Variants in PEX7 observed in about 807,000 individuals in gnomAD.
PEX7 encodes peroxisomal biogenesis factor 7, also known as PTS2 receptor.
A neutral mutation model predicts 47.5 loss-of-function variants in PEX7; 34 were observed. The ratio of observed to expected loss-of-function variants is 0.72; its 90% CI spans 0.54 to 0.95. The LOEUF is 0.95. Ranked by LOEUF, PEX7 falls within the 40% of genes least tolerant of loss-of-function variation. The pLI, the probability that PEX7 is intolerant of heterozygous loss-of-function variation, is 0.00. For synonymous variants in PEX7, 141 were observed against 148.8 expected (o/e 0.95, Z 0.38); for missense variants, 394 against 400.3 (o/e 0.98, Z 0.13).
Position 136,828,284 on chromosome 6 carries a change from A to C in PEX7, c.339+1815A>C, listed in dbSNP as rs555558674. Among the ~76,000 whole-genome samples the C allele has an allele frequency of 7.2e-5, 11 of 152,306 alleles. No homozygotes were observed. In the East Asian group the frequency reaches 1.3e-3, roughly 19 times the overall value. On this transcript the variant is annotated intron_variant, in intron 3 of 9. Coordinates refer to ENST00000318471, the MANE Select transcript of PEX7 (RefSeq NM_000288.4). ...ATAAAATAAATGTATGTACCAGTTA[A>C]AATAATCTCTGGTGTAACTACTCTC...
chr6:136,844,355 C>T (rs912997916), intron 3 of PEX7, among the ~76,000 whole-genome samples: 14 of 149,054 alleles, frequency 9.4e-5, no homozygotes, highest in South Asian at 4.4e-4. Context: ...TGGGCGACTG[C>T]GCAAGACCCT....
At chr6:136,826,222 A>G (rs1304874497) in intron 2 of PEX7, 97 bp from the exon 3 acceptor site, 13 of 1,353,966 alleles carry the variant, frequency 9.6e-6, no homozygotes, top group Non-Finnish European at 1.2e-5. Context: ...ATGTGTGATA[A>G]ATTGAAAGAA....
At chr6:136,893,649 G>A (rs1466843292) in intron 8 of PEX7, among the ~76,000 whole-genome samples, 1 of 152,246 alleles carries the variant, frequency 6.6e-6, no homozygotes, top group Non-Finnish European at 1.5e-5. Context: ...TGATGTGAAA[G>A]TAAGTGTTGT....
chr6:136,907,286 T>C (rs368394727), intron 9 of PEX7, among the ~76,000 whole-genome samples: 6 of 152,198 alleles, frequency 3.9e-5, no homozygotes, highest in African/African-American at 1.4e-4. Flanking sequence ...AAAAGGATTT[T>C]TTTAGTTTAT....
intron 8 of PEX7, among the ~76,000 whole-genome samples, chr6:136,883,296 A>G (rs976276258): frequency 2.0e-5 from 3 of 152,206 alleles, no homozygotes; most frequent in Admixed American, 6.5e-5. Flanking sequence ...GCTTATAGGC[A>G]TAGGCACTTA....
In PEX7 at chr6:136,870,004, G is replaced by A. The variant is rs267608256; in HGVS notation, c.747+1G>A. Reference sequence around the variant, plus strand: ...TACCTATGCTATTAGGAGGGTGAAAGTAAGTTTTCATCTTTTCTTTTATAT... The same window carrying A: ...TACCTATGCTATTAGGAGGGTGAAAATAAGTTTTCATCTTTTCTTTTATAT... On this transcript the variant is annotated splice_donor_variant, in intron 7 of 9. Transcript: ENST00000318471. LOFTEE classifies it high-confidence loss of function. 6.4e-7 allele frequency: 1 copy of A among 1,562,334 alleles called. No individual in the cohort carries two copies. The highest frequency in any genetic ancestry group is 8.8e-7 in the Non-Finnish European group (1 of 1,133,830).
At chr6:136,828,459 T>C (rs1196465659) in intron 3 of PEX7, among the ~76,000 whole-genome samples, 1 of 152,254 alleles carries the variant, frequency 6.6e-6, no homozygotes, top group African/African-American at 2.4e-5. Flanking sequence ...TAATCCCAAC[T>C]CTACCTTCTA....
At chr6:136,903,946 A>G (rs1775797498) in intron 9 of PEX7, among the ~76,000 whole-genome samples, 1 of 151,922 alleles carries the variant, frequency 6.6e-6, no homozygotes, top group South Asian at 2.1e-4. Flanking sequence ...TACCGGGATT[A>G]CAGGTGTGAG....
intron 5 of PEX7, chr6:136,855,799 C>G: frequency 3.1e-6 from 1 of 318,882 alleles, no homozygotes; most frequent in Non-Finnish European, 6.0e-6. Context: ...CCAGTAAAGA[C>G]ATACATCCAG....
chr6:136,904,035 C>T (rs1037855201), intron 9 of PEX7, among the ~76,000 whole-genome samples: 2 of 152,040 alleles, frequency 1.3e-5, no homozygotes, highest in East Asian at 1.9e-4. Flanking sequence ...ATCTTCGATA[C>T]CAGGTTTAAT....
chr6:136,863,794 A>G (rs1251487755), intron 5 of PEX7, among the ~76,000 whole-genome samples: 1 of 152,116 alleles, frequency 6.6e-6, no homozygotes, highest in African/African-American at 2.4e-5. Context: ...TTGTAGTCGC[A>G]GCTACTTGGG....
At chr6:136,837,679 A>C (rs958775877) in intron 3 of PEX7, among the ~76,000 whole-genome samples, 1 of 152,166 alleles carries the variant, frequency 6.6e-6, no homozygotes, top group Non-Finnish European at 1.5e-5. Flanking sequence ...TTCTTGTGTC[A>C]GAAAGCAGGA....
chr6:136,867,794 ACAAC>A (rs1775100687), intron 6 of PEX7, among the ~76,000 whole-genome samples: 1 of 151,632 alleles, frequency 6.6e-6, no homozygotes. Flanking sequence ...AACAACAACA[ACAAC>A]AAAAAACTTT....
intron 5 of PEX7, among the ~76,000 whole-genome samples, chr6:136,858,252 A>G (rs1014732094): frequency 6.6e-6 from 1 of 152,230 alleles, no homozygotes; most frequent in African/African-American, 2.4e-5. Context: ...CCTTATGGAC[A>G]AGTAAGAGGA....
At chr6:136,863,270 C>T (rs1774998585) in intron 5 of PEX7, among the ~76,000 whole-genome samples, 1 of 152,132 alleles carries the variant, frequency 6.6e-6, no homozygotes, top group African/African-American at 2.4e-5. Context: ...CAAGTACCCC[C>T]ATTTGGCCTG....
intron 8 of PEX7, among the ~76,000 whole-genome samples, chr6:136,882,443 G>T (rs1011228117): frequency 6.6e-6 from 1 of 151,948 alleles, no homozygotes; most frequent in African/African-American, 2.4e-5. Flanking sequence ...CTCCCAAAGT[G>T]CTGGGATTAT....
At chr6:136,872,548 A>G (rs1015612574) in intron 8 of PEX7, among the ~76,000 whole-genome samples, 1 of 152,180 alleles carries the variant, frequency 6.6e-6, no homozygotes, top group Admixed American at 6.5e-5. Context: ...CATAGCCAAT[A>G]TATTCTAAAT....
chr6:136,901,176 A>G (rs1040016186), intron 9 of PEX7: 4 of 152,446 alleles, frequency 2.6e-5, no homozygotes, highest in African/African-American at 9.7e-5. Flanking sequence ...GCTATAGGAG[A>G]GAGATAATTT....
At chr6:136,876,039 TA>T (rs1264757076) in intron 8 of PEX7, among the ~76,000 whole-genome samples, 2 of 116,610 alleles carry the variant, frequency 1.7e-5, no homozygotes, top group Non-Finnish European at 3.6e-5. Flanking sequence ...ATTCTTTCAT[TA>T]AATTTTTTTT....
Sources: allele counts gnomAD v4.1 joint callset (sites outside exome capture counted in the v4.1 genomes callset), GRCh38; gene constraint gnomAD v4.1.1; transcripts MANE v1.5; gene names NCBI Gene and HGNC (gene_info 2026-07-23, HGNC 2026-07-21).